The following JAM2 variants were observed in gnomAD, a reference collection of about 807,000 sequenced individuals.
The protein encoded by JAM2 is junctional adhesion molecule B.
A neutral mutation model predicts 42.0 loss-of-function variants in JAM2; 17 were observed. The ratio of observed to expected loss-of-function variants is 0.40; its 90% confidence interval spans 0.28 to 0.61. The LOEUF (loss-of-function observed/expected upper bound fraction) is 0.61. JAM2 is among the 20% of genes least tolerant of loss of function. JAM2 has a pLI of 0.37. For synonymous variants in JAM2, 118 were observed against 128.6 expected, an observed-to-expected ratio of 0.92 and a Z score of 0.56; for missense variants, 319 against 358.3, an observed-to-expected ratio of 0.89 and a Z score of 0.89.
Position 25,658,091 on chromosome 21 carries a change from G to A in JAM2, c.67+18203G>A, listed in dbSNP as rs2032987367. On this transcript the variant is annotated intron_variant, in intron 1 of 9. Transcript: ENST00000480456. The stretch of plus-strand genomic sequence containing the variant: ...CCCCTTACATATAGACTAGACTTGG[G>A]AAGAAAGGGTAACTGTAAGGCAGGC... Among the ~76,000 whole-genome samples the A allele has an allele frequency of 1.3e-5, 2 of 152,164 alleles. 1 individual carries two copies. The highest frequency in any genetic ancestry group is 4.1e-4 in the South Asian group (2 of 4,830).
chr21:25,695,873 G>C (rs1601048791), intron 4 of JAM2, among the ~76,000 whole-genome samples: 1 of 151,750 alleles, frequency 6.6e-6, no homozygotes, highest in South Asian at 2.1e-4. Flanking sequence ...GAAGATGGGC[G>C]GCCGGGAAGA....
At chr21:25,703,871 G>C (rs1195883393) in intron 6 of JAM2, among the ~76,000 whole-genome samples, 1 of 151,602 alleles carries the variant, frequency 6.6e-6, no homozygotes, top group Non-Finnish European at 1.5e-5. Context: ...AGAAAATGGT[G>C]AACAGGATGT....
chr21:25,663,661 C>T (rs73334036), intron 1 of JAM2, among the ~76,000 whole-genome samples: 9 of 152,232 alleles, frequency 5.9e-5, no homozygotes, highest in East Asian at 1.9e-4. Flanking sequence ...ACACTGAGCC[C>T]GCTCACCCTG....
At chr21:25,694,321 A>C (rs1187128916) in intron 4 of JAM2, among the ~76,000 whole-genome samples, 2 of 152,244 alleles carry the variant, frequency 1.3e-5, no homozygotes, top group African/African-American at 4.8e-5. Flanking sequence ...ATTAGAAGTC[A>C]TTTGGTAAAT....
chr21:25,687,736 G>T (rs1364165115), intron 2 of JAM2, among the ~76,000 whole-genome samples: 1 of 152,090 alleles, frequency 6.6e-6, no homozygotes, highest in Non-Finnish European at 1.5e-5. Flanking sequence ...CCTTGCTTGG[G>T]ATCTTCTTTC....
At chr21:25,700,727 T>A (rs1039225621) in intron 5 of JAM2, among the ~76,000 whole-genome samples, 1 of 152,154 alleles carries the variant, frequency 6.6e-6, no homozygotes, top group Non-Finnish European at 1.5e-5. Flanking sequence ...CACAGTAACA[T>A]TTACAAACAG....
intron 9 of JAM2, 34 bp from the exon 10 acceptor site, chr21:25,714,606 T>C: frequency 1.6e-6 from 2 of 1,226,028 alleles, no homozygotes; most frequent in Non-Finnish European, 2.3e-6. Flanking sequence ...TATGAATTCA[T>C]ATATTTAAAC....
At chr21:25,703,284 A>C (rs2034206370) in intron 6 of JAM2, among the ~76,000 whole-genome samples, 1 of 152,214 alleles carries the variant, frequency 6.6e-6, no homozygotes, top group Non-Finnish European at 1.5e-5. Flanking sequence ...CCAGGAAGTC[A>C]TGGTTTTGAT....
At chr21:25,667,703 A>G (rs1345699368) in intron 1 of JAM2, among the ~76,000 whole-genome samples, 2 of 152,184 alleles carry the variant, frequency 1.3e-5, no homozygotes, top group African/African-American at 4.8e-5. Context: ...CATCTTCTCC[A>G]TAATTCACTT....
chr21:25,663,696 T>C (rs2033147612), intron 1 of JAM2, among the ~76,000 whole-genome samples: 1 of 152,168 alleles, frequency 6.6e-6, no homozygotes. Flanking sequence ...ACCTAGGGAC[T>C]CTTCAGAGAG....
rs752054761 is a variant in JAM2, at chr21:25,702,240, G to A, written c.668G>A (p.Arg223His). The stretch of plus-strand genomic sequence containing the variant: ...GAAGCCCGCAATTCTGTTGGATATC[G>A]CAGGTGTCCTGGGAAACGAATGCAA... ...SCEARNSVGY[R>H]RCPGKRMQVD... is the part of the protein sequence containing the mutation. The change falls in exon 6 of 10, where the codon CGC becomes CAC. Residue 223 changes from arginine to histidine, a missense_variant. Transcript: ENST00000480456. 17 of 1,596,546 alleles carry A rather than the reference G, an allele frequency of 1.1e-5. No homozygotes were observed. The highest frequency in any genetic ancestry group is 9.0e-5 in the East Asian group (4 of 44,622).
intron 1 of JAM2, among the ~76,000 whole-genome samples, chr21:25,656,711 G>A (rs891169535): frequency 6.6e-6 from 1 of 152,194 alleles, no homozygotes; most frequent in Non-Finnish European, 1.5e-5. Context: ...GGAGGAAGAA[G>A]TTTCACTTCA....
In JAM2 at chr21:25,679,787, A is replaced by G. The variant is rs144341643; in HGVS notation, c.68-4096A>G. Among the ~76,000 whole-genome samples, 4 of 152,342 alleles carry G rather than the reference A, an allele frequency of 2.6e-5. No individual in the cohort carries two copies. The East Asian group carries it at 7.7e-4, about 29-fold the overall frequency. On this transcript the variant is annotated intron_variant, in intron 1 of 9. Transcript: ENST00000480456. ...AAACTCTCCTGTCTTCATTAGACCA[A>G]TGAAACTTTCCACCTGGAATCTTTG...
intron 1 of JAM2, among the ~76,000 whole-genome samples, chr21:25,676,991 A>G (rs963283000): frequency 1.3e-5 from 2 of 152,210 alleles, no homozygotes; most frequent in Non-Finnish European, 2.9e-5. Flanking sequence ...CATACATTTT[A>G]AATATTTTTA....
chr21:25,649,892 A>G (rs940028486), intron 1 of JAM2, among the ~76,000 whole-genome samples: 9 of 152,218 alleles, frequency 5.9e-5, no homozygotes, highest in Non-Finnish European at 1.3e-4. Flanking sequence ...ATTAAAGCAT[A>G]GTGAATGGCA....
chr21:25,659,833 C>A (rs966246990), intron 1 of JAM2, among the ~76,000 whole-genome samples: 16 of 152,104 alleles, frequency 1.1e-4, no homozygotes, highest in African/African-American at 3.9e-4. Flanking sequence ...TTAAATGCAT[C>A]AAAATTAGTT....
At chr21:25,661,739 C>A (rs901114225) in intron 1 of JAM2, among the ~76,000 whole-genome samples, 5 of 151,832 alleles carry the variant, frequency 3.3e-5, no homozygotes, top group Admixed American at 6.6e-5. Context: ...GTGTTAAGAA[C>A]CAATAAATTA....
chr21:25,639,876 G>A lies in JAM2; in HGVS notation c.55G>A (p.Val19Ile), dbSNP rs759972171. 1 of 1,591,622 alleles carries A rather than the reference G, an allele frequency of 6.3e-7. No individual in the cohort carries two copies. Among genetic ancestry groups the A allele is most frequent in the Non-Finnish European group, 8.5e-7 (1 of 1,170,128 alleles). ...LLLLLLRYLV[V>I]ALGYHKAYGF... ...CCTGCTGCTGCTGCGCTACCTGGTG[G>A]TCGCCCTGGGCTGTAAGTTGCTCGG... is the stretch of plus-strand genomic sequence containing the variant. The change falls in exon 1 of 10, where the codon GTC becomes ATC. Residue 19 changes from valine (V) to isoleucine (I), a missense_variant. By Grantham distance (29) the Val-to-Ile change is conservative. Coordinates refer to ENST00000480456, the MANE Select transcript of JAM2 (RefSeq NM_021219.4).
Position 25,660,202 on chromosome 21 carries a change from G to C in JAM2, c.67+20314G>C, listed in dbSNP as rs2033040741. ...TCCCAAAGCCTGGGATTACAGGCCT[G>C]AGCCACTGCACCCAGCCCCTCTTAT... On this transcript the variant is annotated intron_variant, in intron 1 of 9. Coordinates refer to ENST00000480456, the MANE Select transcript of JAM2 (RefSeq NM_021219.4). 1.3e-5 allele frequency among the ~76,000 whole-genome samples: 2 copies of C among 152,172 alleles called. 1 individual carries two copies. The highest frequency in any genetic ancestry group is 4.1e-4 in the South Asian group (2 of 4,824).
Sources: gnomAD v4.1 joint callset for allele counts (sites outside exome capture counted in the v4.1 genomes callset) on GRCh38, gnomAD v4.1.1 for gene constraint, MANE v1.5 for transcripts, NCBI Gene and HGNC (gene_info 2026-07-23, HGNC 2026-07-21) for gene names.